The following OLA1 variants were observed in gnomAD, a reference collection of about 807,000 sequenced individuals.
The protein encoded by OLA1 is Obg like ATPase 1.
Under a neutral mutation model 48.4 loss-of-function variants are expected in OLA1, and 14 were observed. The observed-to-expected ratio is 0.29, with a 90% CI of 0.19 to 0.45. The LOEUF is 0.45. Among genes scored for constraint, OLA1 ranks in the 20% least tolerant of loss-of-function variants. The probability of loss-of-function intolerance (pLI) is 1.00; values close to 1 mark genes in which losing one functional copy is unlikely to be tolerated. For synonymous variants in OLA1, 127 were observed against 150.4 expected, an observed-to-expected ratio of 0.84 and a Z score of 1.14; for missense variants, 325 against 467.1, an observed-to-expected ratio of 0.70 and a Z score of 2.80.
intron 4 of OLA1, among the ~76,000 whole-genome samples, chr2:174,215,901 G>A (rs1464233766): frequency 1.3e-5 from 2 of 152,138 alleles, no homozygotes; most frequent in African/African-American, 4.8e-5. Flanking sequence ...ATCATCACAT[G>A]AGCAGTTCAT....
chr2:174,240,392 G>A (rs1688970010), intron 2 of OLA1: 1 of 152,236 alleles, frequency 6.6e-6, no homozygotes, highest in Non-Finnish European at 1.5e-5. Context: ...CAGAACTCCT[G>A]GGCTCAAGGT....
intron 7 of OLA1, among the ~76,000 whole-genome samples, chr2:174,088,239 C>T (rs1685028148): frequency 6.6e-6 from 1 of 152,126 alleles, no homozygotes; most frequent in Non-Finnish European, 1.5e-5. Flanking sequence ...ACCATTAATC[C>T]AGGGGGTTCT....
chr2:174,108,705 G>A (rs766476016), intron 7 of OLA1, among the ~76,000 whole-genome samples: 1 of 152,144 alleles, frequency 6.6e-6, no homozygotes, highest in Non-Finnish European at 1.5e-5. Context: ...TGTACCACAT[G>A]CAATATTTAT....
At chr2:174,122,672 T>C (rs1685940382) in intron 7 of OLA1, among the ~76,000 whole-genome samples, 1 of 151,960 alleles carries the variant, frequency 6.6e-6, no homozygotes, top group African/African-American at 2.4e-5. Context: ...CATGAATGCA[T>C]AGTTTTTACC....
rs910766392 is a variant in OLA1, at chr2:174,073,789, C to T, written c.*1637G>A. The T allele has an allele frequency of 2.0e-5, 3 of 152,200 alleles. No homozygotes were observed. The highest frequency in any genetic ancestry group is 4.4e-5 in the Non-Finnish European group (3 of 68,028). The allele number at this position is 152,200 out of a possible 1,614,324, so 9.4% of individuals were successfully genotyped here. On this transcript the variant is annotated 3_prime_UTR_variant, in exon 11 of 11. Transcript: ENST00000284719. ...CTGAAATCCCTAACAATCCACTAAT[C>T]TACACATTACTCCAATACAGAAATA...
At chr2:174,228,873 C>T (rs1688668547) in intron 3 of OLA1, among the ~76,000 whole-genome samples, 1 of 152,096 alleles carries the variant, frequency 6.6e-6, no homozygotes. Context: ...CTTCTCCATA[C>T]TCTGCATTAC....
At chr2:174,238,475 C>T (rs10460369) in intron 2 of OLA1, among the ~76,000 whole-genome samples, 20,600 of 127,884 alleles carry the variant, frequency 0.16, 1,599 homozygotes, top group East Asian at 0.26. Flanking sequence ...GCCTGGGCAA[C>T]AGAGTGAGAC....
At chr2:174,135,190 T>C (rs926282398) in intron 5 of OLA1, among the ~76,000 whole-genome samples, 5 of 143,348 alleles carry the variant, frequency 3.5e-5, no homozygotes, top group African/African-American at 1.3e-4. Context: ...GAAATGGGAA[T>C]GGAAGAGCAC....
intron 3 of OLA1, among the ~76,000 whole-genome samples, chr2:174,228,647 T>C (rs1018067859): frequency 2.0e-5 from 3 of 152,134 alleles, no homozygotes; most frequent in Non-Finnish European, 4.4e-5. Context: ...AATTCAAACA[T>C]AGAGGAATAT....
At chr2:174,184,914 T>C (rs1687620154) in intron 4 of OLA1, among the ~76,000 whole-genome samples, 1 of 152,200 alleles carries the variant, frequency 6.6e-6, no homozygotes, top group African/African-American at 2.4e-5. Flanking sequence ...GTAATATGTA[T>C]GTATATAATA....
chr2:174,134,738 T>C (rs552170936), intron 5 of OLA1, among the ~76,000 whole-genome samples: 1 of 152,368 alleles, frequency 6.6e-6, no homozygotes, highest in African/African-American at 2.4e-5. Flanking sequence ...ATGTACTTAA[T>C]GCTAGTGAAT....
intron 2 of OLA1, among the ~76,000 whole-genome samples, chr2:174,243,492 T>G (rs1446617701): frequency 6.6e-6 from 1 of 152,170 alleles, no homozygotes; most frequent in Non-Finnish European, 1.5e-5. Flanking sequence ...GAAATATGTA[T>G]CCCATTAACA....
intron 4 of OLA1, among the ~76,000 whole-genome samples, chr2:174,220,549 C>T (rs1688477712): frequency 6.6e-6 from 1 of 152,128 alleles, no homozygotes; most frequent in African/African-American, 2.4e-5. Flanking sequence ...AAAATGGTCA[C>T]ATCTGTTTTT....
chr2:174,184,345 T>C (rs1393865789), intron 4 of OLA1, among the ~76,000 whole-genome samples: 1 of 152,210 alleles, frequency 6.6e-6, no homozygotes, highest in Non-Finnish European at 1.5e-5. Context: ...AAGTATACTT[T>C]ACCTCTATAA....
intron 4 of OLA1, among the ~76,000 whole-genome samples, chr2:174,196,689 G>C (rs1054916471): frequency 2.0e-5 from 3 of 152,200 alleles, no homozygotes; most frequent in African/African-American, 4.8e-5. Flanking sequence ...CAAGTGATGA[G>C]CACTTTGTTC....
chr2:174,212,226 T>C (rs1022337807), intron 4 of OLA1, among the ~76,000 whole-genome samples: 1 of 152,246 alleles, frequency 6.6e-6, no homozygotes, highest in African/African-American at 2.4e-5. Context: ...CAAACCTGTA[T>C]AGCATGTTAC....
intron 4 of OLA1, among the ~76,000 whole-genome samples, chr2:174,143,054 C>T (rs939863648): frequency 2.0e-5 from 3 of 151,880 alleles, no homozygotes; most frequent in Non-Finnish European, 4.4e-5. Flanking sequence ...TCTTAAATAC[C>T]AAAAACCAAG....
At chr2:174,179,239 A>C (rs1300146897) in intron 4 of OLA1, among the ~76,000 whole-genome samples, 1 of 151,896 alleles carries the variant, frequency 6.6e-6, no homozygotes, top group Non-Finnish European at 1.5e-5. Context: ...CTAAAGTACA[A>C]TTTTATGGTT....
intron 4 of OLA1, among the ~76,000 whole-genome samples, chr2:174,209,643 T>C (rs1474805496): frequency 6.6e-6 from 1 of 152,102 alleles, no homozygotes; most frequent in Non-Finnish European, 1.5e-5. Flanking sequence ...AGAGACTCTA[T>C]TGGTAGCTGC....
Sources: gnomAD v4.1 joint callset for allele counts (sites outside exome capture counted in the v4.1 genomes callset) on GRCh38, gnomAD v4.1.1 for gene constraint, MANE v1.5 for transcripts, NCBI Gene and HGNC (gene_info 2026-07-23, HGNC 2026-07-21) for gene names.